The following CCDC178 variants were observed in gnomAD, a reference collection of about 807,000 sequenced individuals.
CCDC178 encodes coiled-coil domain containing 178.
Under a neutral mutation model 117.4 loss-of-function variants are expected in CCDC178, and 126 were observed. That is an observed-to-expected ratio of 1.07 (90% confidence interval 0.93 to 1.24). CCDC178 has a LOEUF of 1.24. Among genes scored for constraint, CCDC178 ranks in the 50% most tolerant of loss-of-function variants. The pLI, the probability that CCDC178 is intolerant of heterozygous loss-of-function variation, is 0.00. For missense variants in CCDC178, 1,030 were observed against 986.9 expected, an observed-to-expected ratio of 1.04 and a Z score of -0.59; for synonymous variants, 283 against 313.4, an observed-to-expected ratio of 0.90 and a Z score of 1.02.
chr18:33,228,991 A>G (rs1249273248), intron 15 of CCDC178, among the ~76,000 whole-genome samples: 1 of 152,160 alleles, frequency 6.6e-6, no homozygotes, highest in Non-Finnish European at 1.5e-5. Flanking sequence ...CAGGTCCAAC[A>G]TCTGAGAGAG....
intron 21 of CCDC178, among the ~76,000 whole-genome samples, chr18:33,026,452 T>C (rs2056231320): frequency 6.6e-6 from 1 of 152,042 alleles, no homozygotes; most frequent in Non-Finnish European, 1.5e-5. Context: ...ACTGAAACTT[T>C]AAAAAATAAT....
In CCDC178 at chr18:33,412,130, T is replaced by TTC; in HGVS notation, c.-22-21_-22-20insGA. On this transcript the variant is annotated intron_variant, in intron 2 of 22. Transcript: ENST00000383096. ...TAAAACCTAATTAGAAAGAAAAATATTTAAATATCATGAATCTAAATTAGT... is the reference window on the plus strand; with the variant it reads ...TAAAACCTAATTAGAAAGAAAAATATTCTTAAATATCATGAATCTAAATTAGT... The TTC allele has an allele frequency of 1.1e-6, 1 of 934,924 alleles. No homozygotes were observed. Among genetic ancestry groups the TTC allele is most frequent in the Non-Finnish European group, 1.6e-6 (1 of 611,514 alleles). The allele number at this position is 934,924 out of a possible 1,614,324, so 57.9% of individuals were successfully genotyped here.
At chr18:33,224,099 C>G (rs960937477) in intron 17 of CCDC178, among the ~76,000 whole-genome samples, 2 of 152,054 alleles carry the variant, frequency 1.3e-5, no homozygotes, top group African/African-American at 4.8e-5. Context: ...TGAAAATTAT[C>G]AAAGACTAAA....
intron 21 of CCDC178, among the ~76,000 whole-genome samples, chr18:33,031,246 T>G (rs2056336491): frequency 1.3e-5 from 2 of 152,076 alleles, no homozygotes; most frequent in Admixed American, 1.3e-4. Flanking sequence ...TGGAGTTTTT[T>G]TTTTTTTTAA....
intron 11 of CCDC178, among the ~76,000 whole-genome samples, chr18:33,303,877 T>C (rs1358933729): frequency 2.0e-5 from 3 of 152,150 alleles, no homozygotes; most frequent in African/African-American, 7.2e-5. Flanking sequence ...AGTGTAAGTC[T>C]GCCCCAGAGT....
chr18:33,268,029 A>T (rs1288589737), intron 12 of CCDC178, among the ~76,000 whole-genome samples: 1 of 151,778 alleles, frequency 6.6e-6, no homozygotes, highest in Non-Finnish European at 1.5e-5. Flanking sequence ...TCCTAAATCA[A>T]GTTTCACATG....
At chr18:33,172,063 G>A (rs938427658) in intron 20 of CCDC178, among the ~76,000 whole-genome samples, 1 of 152,006 alleles carries the variant, frequency 6.6e-6, no homozygotes, top group Admixed American at 6.6e-5. Flanking sequence ...GGCACAAACT[G>A]CCATGCCTGG....
intron 20 of CCDC178, among the ~76,000 whole-genome samples, chr18:33,113,632 G>C (rs1186447053): frequency 6.6e-6 from 1 of 151,878 alleles, no homozygotes; most frequent in Admixed American, 6.6e-5. Flanking sequence ...CAAGCTTCAG[G>C]GCATAAACCG....
rs78414714 is a variant in CCDC178 at position 33,395,171 on chromosome 18, C to G, written c.118+1978G>C. ...AAGTTTTAGAAAATAAAAAGACAACCTAGTCTCACGTTCCATAGACAAAAT... is the reference window on the plus strand; with the variant it reads ...AAGTTTTAGAAAATAAAAAGACAACGTAGTCTCACGTTCCATAGACAAAAT... On this transcript the variant is annotated intron_variant, in intron 4 of 22. Transcript: ENST00000383096. Among the ~76,000 whole-genome samples, 269 of 151,124 alleles carry G rather than the reference C, an allele frequency of 1.8e-3. 4 individuals carry two copies. The East Asian group carries it at 0.044, about 25-fold the overall frequency.
chr18:33,367,286 A>G (rs1317421495), intron 6 of CCDC178, among the ~76,000 whole-genome samples: 3 of 152,072 alleles, frequency 2.0e-5, no homozygotes, highest in Admixed American at 6.6e-5. Flanking sequence ...GAATAGATGG[A>G]GGATTGCCAT....
At chr18:33,049,564 A>G (rs921830235) in intron 21 of CCDC178, among the ~76,000 whole-genome samples, 8 of 152,154 alleles carry the variant, frequency 5.3e-5, no homozygotes, top group African/African-American at 1.9e-4. Context: ...TGTTTCAGTT[A>G]ACCATCTCCC....
chr18:33,114,912 G>A (rs775494722), intron 20 of CCDC178, among the ~76,000 whole-genome samples: 2 of 152,012 alleles, frequency 1.3e-5, no homozygotes, highest in Non-Finnish European at 2.9e-5. Context: ...GAATGTGGCT[G>A]CCTAGTTGTC....
intron 20 of CCDC178, among the ~76,000 whole-genome samples, chr18:33,108,547 G>A (rs1418889310): frequency 1.3e-5 from 2 of 151,464 alleles, no homozygotes; most frequent in Non-Finnish European, 3.0e-5. Flanking sequence ...AACTATAACA[G>A]ACAGACTAAA....
chr18:33,086,610 T>G (rs1344980266), intron 21 of CCDC178, among the ~76,000 whole-genome samples: 1 of 152,034 alleles, frequency 6.6e-6, no homozygotes, highest in African/African-American at 2.4e-5. Context: ...TTTCTTAATA[T>G]TGAATTTCTC....
At chr18:32,983,277 G>C in intron 21 of CCDC178, 1 of 1,505,690 alleles carries the variant, frequency 6.6e-7, no homozygotes, top group Non-Finnish European at 8.9e-7. Context: ...TTCATCACAG[G>C]TACCTGAAAA....
chr18:33,169,982 T>C (rs1389463074), intron 20 of CCDC178, among the ~76,000 whole-genome samples: 1 of 152,110 alleles, frequency 6.6e-6, no homozygotes. Context: ...CTGATCTCTC[T>C]TCCTCAAAAC....
At chr18:33,097,363 C>T (rs1222026375) in intron 20 of CCDC178, among the ~76,000 whole-genome samples, 1 of 152,102 alleles carries the variant, frequency 6.6e-6, no homozygotes, top group Admixed American at 6.6e-5. Context: ...AAATCTAACC[C>T]CTAGCCTCCA....
At chr18:33,067,547 A>G (rs1472312365) in intron 21 of CCDC178, among the ~76,000 whole-genome samples, 1 of 152,180 alleles carries the variant, frequency 6.6e-6, no homozygotes, top group Non-Finnish European at 1.5e-5. Flanking sequence ...ACAAAAATCA[A>G]TATAAAGAAT....
chr18:33,309,868 T>C (rs998698082), intron 11 of CCDC178, among the ~76,000 whole-genome samples: 1 of 152,118 alleles, frequency 6.6e-6, no homozygotes, highest in African/African-American at 2.4e-5. Context: ...TAATTTTGTA[T>C]GCAAACGGAT....
Sources: allele counts gnomAD v4.1 joint callset (sites outside exome capture counted in the v4.1 genomes callset), GRCh38; gene constraint gnomAD v4.1.1; transcripts MANE v1.5; gene names NCBI Gene and HGNC (gene_info 2026-07-23, HGNC 2026-07-21).